The following CARMIL1 variants were observed in gnomAD, a reference collection of about 807,000 sequenced individuals.
CARMIL1 encodes the protein F-actin-uncapping protein LRRC16A.
CARMIL1 carries 90 observed loss-of-function variants against 177.1 expected under a neutral mutation model. The observed-to-expected ratio is 0.51, with a 90% CI of 0.43 to 0.61. CARMIL1 has a LOEUF of 0.61. Among genes scored for constraint, CARMIL1 ranks in the 20% least tolerant of loss-of-function variants. The pLI is 0.00. For missense variants in CARMIL1, 1,380 were observed against 1,667.0 expected (o/e 0.83, Z 3.00); for synonymous variants, 577 against 606.2 (o/e 0.95, Z 0.71).
chr6:25,340,808 T>G (rs1786843634), intron 2 of CARMIL1, among the ~76,000 whole-genome samples: 1 of 136,442 alleles, frequency 7.3e-6, no homozygotes, highest in East Asian at 2.2e-4. Flanking sequence ...TTTTTTTAAG[T>G]CGTGTAAGAA....
chr6:25,284,018 C>A (rs1270048752), intron 1 of CARMIL1, among the ~76,000 whole-genome samples: 1 of 151,938 alleles, frequency 6.6e-6, no homozygotes, highest in South Asian at 2.1e-4. Context: ...GTGCCCAGCC[C>A]GGTTCTGTTC....
At chr6:25,415,170 T>G (rs2150664695) in intron 2 of CARMIL1, among the ~76,000 whole-genome samples, 1 of 152,216 alleles carries the variant, frequency 6.6e-6, no homozygotes, top group African/African-American at 2.4e-5. Context: ...CTATTTCATT[T>G]TTTATTTTTA....
At chr6:25,507,549 T>C (rs1351470279) in intron 17 of CARMIL1, 2 of 152,608 alleles carry the variant, frequency 1.3e-5, no homozygotes, top group Non-Finnish European at 2.9e-5. Flanking sequence ...TTTTAAGCAT[T>C]GGAAAGTATG....
Position 25,482,326 on chromosome 6 carries a change from C to A in CARMIL1, c.944C>A (p.Thr315Asn), listed in dbSNP as rs1352904093. 6 of 1,567,418 alleles carry A rather than the reference C, an allele frequency of 3.8e-6. No homozygotes were observed. The highest frequency in any genetic ancestry group is 5.2e-6 in the Non-Finnish European group (6 of 1,145,798). The change falls in exon 12 of 37, where the codon ACC becomes AAC. Residue 315 changes from threonine to asparagine, a missense_variant. Coordinates refer to ENST00000329474, the MANE Select transcript of CARMIL1 (RefSeq NM_017640.6). ...KGLKHLNLSK[T>N]SLSPKGVNSL... ...TTAAAGCACTTAAATTTATCTAAAA[C>A]CTCATTATCACCTAAAGGTACAGTA...
intron 2 of CARMIL1, among the ~76,000 whole-genome samples, chr6:25,372,695 A>C (rs1790541971): frequency 6.6e-6 from 1 of 152,142 alleles, no homozygotes; most frequent in South Asian, 2.1e-4. Context: ...GCAAACAGAG[A>C]TAGTGTAATT....
At chr6:25,516,407 C>A (rs1806005075) in intron 21 of CARMIL1, among the ~76,000 whole-genome samples, 1 of 152,180 alleles carries the variant, frequency 6.6e-6, no homozygotes, top group Non-Finnish European at 1.5e-5. Context: ...TGTTGCCATC[C>A]ATCATTCAGA....
At chr6:25,426,196 T>C (rs529614214) in intron 3 of CARMIL1, among the ~76,000 whole-genome samples, 1 of 152,202 alleles carries the variant, frequency 6.6e-6, no homozygotes, top group African/African-American at 2.4e-5. Flanking sequence ...CTGTGATTGC[T>C]TTTGCACCAA....
intron 2 of CARMIL1, among the ~76,000 whole-genome samples, chr6:25,406,110 A>T (rs915361321): frequency 6.6e-6 from 1 of 152,216 alleles, no homozygotes; most frequent in Non-Finnish European, 1.5e-5. Flanking sequence ...GCTGGTAGAT[A>T]TTAAATATGT....
chr6:25,606,517 G>T (rs1815991339), intron 35 of CARMIL1, among the ~76,000 whole-genome samples: 1 of 152,178 alleles, frequency 6.6e-6, no homozygotes, highest in South Asian at 2.1e-4. Context: ...TTGCTTTCAG[G>T]GGTACAGGTT....
chr6:25,351,511 G>A (rs1788099720), intron 2 of CARMIL1, among the ~76,000 whole-genome samples: 1 of 152,176 alleles, frequency 6.6e-6, no homozygotes, highest in Non-Finnish European at 1.5e-5. Context: ...ACTGAAAATC[G>A]TAAATTGTTT....
chr6:25,487,767 AC>A (rs1802808421), intron 12 of CARMIL1, among the ~76,000 whole-genome samples: 1 of 152,104 alleles, frequency 6.6e-6, no homozygotes, highest in Non-Finnish European at 1.5e-5. Flanking sequence ...ACTGTTACCC[AC>A]CTATAAGAGA....
At chr6:25,519,610 A>C (rs1443599756) in intron 22 of CARMIL1, among the ~76,000 whole-genome samples, 1 of 152,188 alleles carries the variant, frequency 6.6e-6, no homozygotes, top group Non-Finnish European at 1.5e-5. Flanking sequence ...TTAGCTCTTG[A>C]ACTCAAGCTG....
At chr6:25,291,064 G>A (rs1016736468) in intron 2 of CARMIL1, among the ~76,000 whole-genome samples, 1 of 151,962 alleles carries the variant, frequency 6.6e-6, no homozygotes, top group African/African-American at 2.4e-5. Flanking sequence ...CTCCCACGTC[G>A]GCCTCCCAAA....
chr6:25,466,938 T>C (rs537154738), intron 9 of CARMIL1, among the ~76,000 whole-genome samples: 2 of 152,204 alleles, frequency 1.3e-5, no homozygotes. Flanking sequence ...CTTAGATAAC[T>C]TACCTGACCT....
rs1386341858 is a variant in CARMIL1, at chr6:25,483,295, T to G, written c.961+952T>G. ...TTTTGGAAACAGTATGTATAGTGGTTGAAAGTGTCAGTTCTGTAGTCAGAT... is the reference window on the plus strand; with the variant it reads ...TTTTGGAAACAGTATGTATAGTGGTGGAAAGTGTCAGTTCTGTAGTCAGAT... On this transcript the variant is annotated intron_variant, in intron 12 of 36. Coordinates refer to ENST00000329474, the MANE Select transcript of CARMIL1 (RefSeq NM_017640.6). 2.6e-5 allele frequency among the ~76,000 whole-genome samples: 4 copies of G among 152,202 alleles called. No individual in the cohort carries two copies. In the South Asian group the frequency reaches 8.3e-4, roughly 32 times the overall value.
chr6:25,613,818 A>T (rs2024874), intron 36 of CARMIL1, among the ~76,000 whole-genome samples: 43 of 151,900 alleles, frequency 2.8e-4, no homozygotes, highest in African/African-American at 9.9e-4. Flanking sequence ...CTGTTAAACC[A>T]TATCAGGGGT....
chr6:25,546,052 A>G (rs949351499), intron 26 of CARMIL1, among the ~76,000 whole-genome samples: 6 of 152,212 alleles, frequency 3.9e-5, no homozygotes, highest in African/African-American at 1.4e-4. Context: ...GGTGAAACAA[A>G]TATTGCAAAT....
intron 3 of CARMIL1, among the ~76,000 whole-genome samples, chr6:25,425,650 A>T (rs978884810): frequency 6.6e-6 from 1 of 152,212 alleles, no homozygotes; most frequent in Non-Finnish European, 1.5e-5. Context: ...GCTGTTTATC[A>T]GGAAAAACAG....
rs1309890120 is a variant in CARMIL1 at position 25,620,409 on chromosome 6, AC to A, written c.*828del. Reference sequence around the variant, plus strand: ...TGATTTTAAGAGAGAATACTTTGACACCTGTAAAAATCAAAATACTACTCTT... The same window carrying A: ...TGATTTTAAGAGAGAATACTTTGACACTGTAAAAATCAAAATACTACTCTT... On this transcript the variant is annotated 3_prime_UTR_variant, in exon 37 of 37. Transcript: ENST00000329474. 6.6e-6 allele frequency: 1 copy of A among 152,214 alleles called. No homozygotes were observed. Among genetic ancestry groups the A allele is most frequent in the East Asian group, 1.9e-4 (1 of 5,198 alleles). 9.4% of individuals were successfully genotyped at this position (152,214 alleles called of 1,614,324 possible).
Sources: gnomAD v4.1 joint callset for allele counts (sites outside exome capture counted in the v4.1 genomes callset) on GRCh38, gnomAD v4.1.1 for gene constraint, MANE v1.5 for transcripts, NCBI Gene and HGNC (gene_info 2026-07-23, HGNC 2026-07-21) for gene names.